The following KLHL24 variants were observed in gnomAD, a reference collection of about 807,000 sequenced individuals.
The protein encoded by KLHL24 is kelch like family member 24.
Under a neutral mutation model 53.4 loss-of-function variants are expected in KLHL24, and 29 were observed. That is an observed-to-expected ratio of 0.54 (90% CI 0.40 to 0.74). KLHL24 has a LOEUF of 0.74. Among genes scored for constraint, KLHL24 ranks in the 30% least tolerant of loss-of-function variants. KLHL24 has a pLI of 0.00. For missense variants in KLHL24, 504 were observed against 744.0 expected (o/e 0.68, Z 3.75); for synonymous variants, 222 against 253.7 (o/e 0.88, Z 1.19).
At chr3:183,674,283 C>CTTTCTTTCTT in intron 7 of KLHL24, among the ~76,000 whole-genome samples, 2 of 150,274 alleles carry the variant, frequency 1.3e-5, no homozygotes, top group Non-Finnish European at 3.0e-5. Flanking sequence ...TTCTTTCTTT[C>CTTTCTTTCTT]TTTCTTTCTT....
At position 183,656,058 on chromosome 3, in the gene KLHL24, T is replaced by TG. The variant is rs1329118617; in HGVS notation, c.920+4782_920+4783insG. ...GCATCTTTTTTTTTTTTTTTTTTTT[T>TG]TTTTCTGAGACAGGGTCTCACTCTG... On this transcript the variant is annotated intron_variant, in intron 3 of 7. Coordinates refer to ENST00000242810, the MANE Select transcript of KLHL24 (RefSeq NM_017644.3). Among the ~76,000 whole-genome samples, 98 of 141,514 alleles carry TG rather than the reference T, an allele frequency of 6.9e-4. 1 individual carries two copies. The South Asian group carries it at 7.8e-3, about 11-fold the overall frequency. The allele number at this position is 141,514 out of a possible 152,430, so 92.8% of individuals were successfully genotyped here.
At chr3:183,672,578 T>C (rs1316829653) in intron 7 of KLHL24, 94 bp downstream of exon 7, 2 of 973,330 alleles carry the variant, frequency 2.1e-6, no homozygotes, top group Non-Finnish European at 2.9e-6. Context: ...TTTTAAAATA[T>C]TTCAGGCTGG....
chr3:183,663,767 A>G lies in KLHL24; in HGVS notation c.1105+125A>G, dbSNP rs1418612230. The stretch of plus-strand genomic sequence containing the variant: ...CACTTGAGGAAGATCAGTTTACAAC[A>G]AATAAAACCAAGAATGACTTTTTGC... On this transcript the variant is annotated intron_variant, in intron 4 of 7. Coordinates refer to ENST00000242810, the MANE Select transcript of KLHL24 (RefSeq NM_017644.3). This position sits in a 1 kb window ranked among gnomAD's most constrained non-coding sequence, Gnocchi z 4.9. 1.8e-6 allele frequency: 1 copy of G among 541,820 alleles called. No individual in the cohort carries two copies. Among genetic ancestry groups the G allele is most frequent in the Non-Finnish European group, 3.0e-6 (1 of 338,600 alleles). The allele number at this position is 541,820 out of a possible 1,614,324, so 33.6% of individuals were successfully genotyped here.
chr3:183,654,265 T>G (rs528383174), intron 3 of KLHL24, among the ~76,000 whole-genome samples: 1 of 152,276 alleles, frequency 6.6e-6, no homozygotes, highest in East Asian at 1.9e-4. Flanking sequence ...CTTTTTCAAT[T>G]TAATGGTTCT....
intron 3 of KLHL24, among the ~76,000 whole-genome samples, chr3:183,660,121 G>A (rs949842000): frequency 6.9e-5 from 10 of 144,582 alleles, no homozygotes; most frequent in African/African-American, 2.4e-4. Flanking sequence ...AACCTTTGGC[G>A]TTTTTCTTTC....
At chr3:183,676,185 TCC>T (rs1711819778) in intron 7 of KLHL24, among the ~76,000 whole-genome samples, 7 of 152,216 alleles carry the variant, frequency 4.6e-5, no homozygotes, top group Non-Finnish European at 8.8e-5. Context: ...AACCTCCGCC[TCC>T]CGGGTTCAAG....
intron 3 of KLHL24, among the ~76,000 whole-genome samples, chr3:183,656,936 C>T (rs905837826): frequency 2.0e-5 from 3 of 151,270 alleles, no homozygotes; most frequent in East Asian, 1.9e-4. Flanking sequence ...AAAAAATAAG[C>T]GTAACAATCT....
chr3:183,655,383 T>C (rs570307865), intron 3 of KLHL24, among the ~76,000 whole-genome samples: 2 of 152,264 alleles, frequency 1.3e-5, no homozygotes, highest in South Asian at 4.1e-4. Context: ...TCAAGCACTT[T>C]GGGAGGCCAA....
In KLHL24 at chr3:183,650,622, G is replaced by A; in HGVS notation, c.266G>A (p.Ser89Asn). ...AGAGCTGTGCTCTCAGCCTGTAGCA[G>A]CTACTTCAGAGCTATGTTTTGTAAT... is the stretch of plus-strand genomic sequence containing the variant. ...CHRAVLSACS[S>N]YFRAMFCNDH... is the part of the protein sequence containing the mutation. Residue 89 changes from serine to asparagine, a missense_variant, in exon 3 of 8, where the codon AGC becomes AAC. By Grantham distance (46) the Ser-to-Asn change is conservative. Transcript: ENST00000242810. The surrounding 1 kb of genome is among the most constrained non-coding windows in gnomAD (Gnocchi z 4.5). The A allele has an allele frequency of 6.2e-7, 1 of 1,614,166 alleles. No individual in the cohort carries two copies. Among genetic ancestry groups the A allele is most frequent in the Non-Finnish European group, 8.5e-7 (1 of 1,180,030 alleles).
In KLHL24 at chr3:183,663,840, C is replaced by T. The variant is rs1314622195; in HGVS notation, c.1105+198C>T. The stretch of plus-strand genomic sequence containing the variant: ...AGGCGCGGTGGCTCACGCCTGTAAT[C>T]CCAGCACTTTGGGAGGCCGAGGCAA... On this transcript the variant is annotated intron_variant, in intron 4 of 7. Transcript: ENST00000242810. This position sits in a 1 kb window ranked among gnomAD's most constrained non-coding sequence, Gnocchi z 4.9. 6.6e-6 allele frequency among the ~76,000 whole-genome samples: 1 copy of T among 152,110 alleles called. No homozygotes were observed. The highest frequency in any genetic ancestry group is 1.5e-5 in the Non-Finnish European group (1 of 68,016).
At chr3:183,674,287 C>CTTTCTT (rs2108887708) in intron 7 of KLHL24, among the ~76,000 whole-genome samples, 1 of 149,628 alleles carries the variant, frequency 6.7e-6, no homozygotes, top group South Asian at 2.1e-4. Flanking sequence ...TTCTTTCTTT[C>CTTTCTT]TTTCTTTCTT....
In KLHL24 at chr3:183,650,272, A is replaced by T; in HGVS notation, c.-61-24A>T. 1.9e-6 allele frequency: 2 copies of T among 1,040,444 alleles called. No individual in the cohort carries two copies. Among genetic ancestry groups the T allele is most frequent in the Non-Finnish European group, 2.8e-6 (2 of 716,750 alleles). 64.5% of individuals were successfully genotyped at this position (1,040,444 alleles called of 1,614,324 possible). A position where few individuals can be genotyped will look rare whatever the true frequency, so the allele number is the denominator to read the frequency against. ...AATACTGAATTTTTTGCATATTGAA[A>T]TGTTTTCCTTTTTTTACTTTTAGCC... On this transcript the variant is annotated intron_variant, in intron 2 of 7. Transcript: ENST00000242810. This position sits in a 1 kb window ranked among gnomAD's most constrained non-coding sequence, Gnocchi z 4.5.
intron 2 of KLHL24, among the ~76,000 whole-genome samples, chr3:183,645,911 T>G (rs2108778702): frequency 6.6e-6 from 1 of 152,344 alleles, no homozygotes; most frequent in African/African-American, 2.4e-5. Flanking sequence ...GTGTTTATCT[T>G]TACTTTTATA....
At position 183,651,119 on chromosome 3, in the gene KLHL24, G is replaced by T; in HGVS notation, c.763G>T (p.Val255Leu). 1 of 1,614,162 alleles carries T rather than the reference G, an allele frequency of 6.2e-7. No homozygotes were observed. Among genetic ancestry groups the T allele is most frequent in the Non-Finnish European group, 8.5e-7 (1 of 1,180,026 alleles). Reference protein sequence around the residue: ...RPLLHELLTHVRLPLLHPNYF... With the variant: ...RPLLHELLTHLRLPLLHPNYF... ...ACTGTTACACGAGCTCCTGACACATGTGAGACTCCCTCTGTTGCATCCCAA... is the reference window on the plus strand; with the variant it reads ...ACTGTTACACGAGCTCCTGACACATTTGAGACTCCCTCTGTTGCATCCCAA... The change falls in exon 3 of 8, where the codon GTG (valine) becomes TTG (leucine). Residue 255 changes from valine to leucine, a missense_variant. Val to Leu is a conservative substitution (Grantham distance 32). Transcript: ENST00000242810.
Position 183,664,356 on chromosome 3 carries a change from A to G in KLHL24, c.1106-565A>G, listed in dbSNP as rs144995259. 7.9e-4 allele frequency among the ~76,000 whole-genome samples: 121 copies of G among 152,326 alleles called. 3 individuals are homozygous for G. In the East Asian group the frequency reaches 0.02, roughly 26 times the overall value. ...AAATAAGATTTGCTTTAAAATTCTT[A>G]ACTTGAACTTCTTTATGATTGTGAT... On this transcript the variant is annotated intron_variant, in intron 4 of 7. Transcript: ENST00000242810.
intron 3 of KLHL24, among the ~76,000 whole-genome samples, chr3:183,656,223 T>C (rs1718867906): frequency 6.6e-6 from 1 of 151,894 alleles, no homozygotes. Context: ...GAAATGGGGT[T>C]TCCCCATGTT....
At chr3:183,676,492 A>G (rs1711901317) in intron 7 of KLHL24, among the ~76,000 whole-genome samples, 1 of 152,204 alleles carries the variant, frequency 6.6e-6, no homozygotes, top group Non-Finnish European at 1.5e-5. Context: ...AACTAATTTC[A>G]TTGTATACAG....
intron 2 of KLHL24, among the ~76,000 whole-genome samples, chr3:183,644,900 C>A (rs1338339516): frequency 6.6e-6 from 1 of 152,124 alleles, no homozygotes; most frequent in African/African-American, 2.4e-5. Flanking sequence ...GTATTCTGAA[C>A]AAATTTTCAT....
In KLHL24 at chr3:183,680,694, T is replaced by C. The variant is rs965270291; in HGVS notation, c.*1408T>C. 5.3e-5 allele frequency: 8 copies of C among 152,144 alleles called. No homozygotes were observed. Among genetic ancestry groups the C allele is most frequent in the African/African-American group, 1.9e-4 (8 of 41,444 alleles). 9.4% of individuals were successfully genotyped at this position (152,144 alleles called of 1,614,324 possible). The stretch of plus-strand genomic sequence containing the variant: ...AGAGGAATGTGAATTTTTTTTCTAA[T>C]GCAAATAAATGGATATGGCAGGAAC... On this transcript the variant is annotated 3_prime_UTR_variant, in exon 8 of 8. Coordinates refer to ENST00000242810, the MANE Select transcript of KLHL24 (RefSeq NM_017644.3).
Sources: allele counts gnomAD v4.1 joint callset (sites outside exome capture counted in the v4.1 genomes callset), GRCh38; gene constraint gnomAD v4.1.1; non-coding constraint Gnocchi (gnomAD v3.1); transcripts MANE v1.5; gene names NCBI Gene and HGNC (gene_info 2026-07-23, HGNC 2026-07-21).